SMIM28: variants seen among roughly 807,000 people sequenced by gnomAD.
SMIM28 encodes small integral membrane protein 28.
chr6:138,380,766 C>CTAAATAAATAAATAAATAAA (rs1412474659), intron 1 of SMIM28, among the ~76,000 whole-genome samples: 1,266 of 70,948 alleles, frequency 0.018, 9 homozygotes, highest in Middle Eastern at 0.061. Flanking sequence ...GACCCCGTCT[C>CTAAATAAATAAATAAATAAA]TAAATAAATA....
intron 1 of SMIM28, among the ~76,000 whole-genome samples, chr6:138,380,967 A>G (rs1020768442): frequency 2.0e-5 from 3 of 151,618 alleles, no homozygotes; most frequent in East Asian, 3.9e-4. Context: ...AAGTGGCACA[A>G]TCTCGGCTCA....
Position 138,383,145 on chromosome 6 carries a change from G to C in SMIM28, c.*298G>C. The C allele has an allele frequency of 5.1e-6, 1 of 195,280 alleles. No homozygotes were observed. Among genetic ancestry groups the C allele is most frequent in the Non-Finnish European group, 1.0e-5 (1 of 98,492 alleles). The allele number at this position is 195,280 out of a possible 1,614,324, so 12.1% of individuals were successfully genotyped here. ...TAACACTCCTGAGAAAAAAAGGAAA[G>C]TTCTATGTGAGTTGAAAAAAAAAAA... On this transcript the variant is annotated 3_prime_UTR_variant, in exon 2 of 2. Coordinates refer to ENST00000573100, the MANE Select transcript of SMIM28 (RefSeq NM_001368163.3).
intron 1 of SMIM28, among the ~76,000 whole-genome samples, chr6:138,380,851 A>G (rs1774304476): frequency 6.6e-6 from 1 of 151,862 alleles, no homozygotes; most frequent in Non-Finnish European, 1.5e-5. Flanking sequence ...TGTCCTTTCC[A>G]CCAAAATCAA....
intron 1 of SMIM28, among the ~76,000 whole-genome samples, chr6:138,381,589 A>T (rs925816082): frequency 1.3e-5 from 2 of 152,190 alleles, no homozygotes; most frequent in Non-Finnish European, 2.9e-5. Context: ...AAAAGGTAAA[A>T]TGTTTTCATA....
intron 1 of SMIM28, among the ~76,000 whole-genome samples, chr6:138,381,545 T>C (rs1263641927): frequency 6.6e-6 from 1 of 152,206 alleles, no homozygotes; most frequent in Non-Finnish European, 1.5e-5. Context: ...CCTTTTAGGT[T>C]GCCCAAGAAT....
rs1774337188 is a variant in SMIM28, at chr6:138,383,160, A to G, written c.*313A>G. 8.1e-6 allele frequency: 1 copy of G among 123,242 alleles called. No individual in the cohort carries two copies. Among genetic ancestry groups the G allele is most frequent in the Non-Finnish European group, 1.6e-5 (1 of 62,304 alleles). 7.6% of individuals were successfully genotyped at this position (123,242 alleles called of 1,614,324 possible). ...AAAAAGGAAAGTTCTATGTGAGTTG[A>G]AAAAAAAAAAAACACTTAATTACTA... On this transcript the variant is annotated 3_prime_UTR_variant, in exon 2 of 2. Coordinates refer to ENST00000573100, the MANE Select transcript of SMIM28 (RefSeq NM_001368163.3).
rs1211200433 is a variant in SMIM28, at chr6:138,382,700, C to T, written c.312C>T (p.Pro104=). The change falls in exon 2 of 2, where the codon CCC becomes CCT. Residue 104 remains proline, a synonymous_variant. Coordinates refer to ENST00000573100, the MANE Select transcript of SMIM28 (RefSeq NM_001368163.3). ...PPAGEVTDLL[P]GLAWSSEDFP... is the part of the protein sequence containing the mutation. ...CAGGAGAGGTGACAGACCTCCTGCC[C>T]GGCCTGGCCTGGAGCAGTGAGGACT... 1.3e-5 allele frequency: 5 copies of T among 398,554 alleles called. No individual in the cohort carries two copies. The highest frequency in any genetic ancestry group is 4.4e-5 in the Admixed American group (1 of 22,706). 24.7% of individuals were successfully genotyped at this position (398,554 alleles called of 1,614,324 possible).
chr6:138,380,931 C>T (rs1180933479), intron 1 of SMIM28, among the ~76,000 whole-genome samples: 1 of 150,990 alleles, frequency 6.6e-6, no homozygotes, highest in African/African-American at 2.4e-5. Flanking sequence ...GAGACGGAGT[C>T]TCACTTTGTT....
In SMIM28 at chr6:138,382,694, C is replaced by G; in HGVS notation, c.306C>G (p.Leu102=). 2.5e-6 allele frequency: 1 copy of G among 398,742 alleles called. No homozygotes were observed. Among genetic ancestry groups the G allele is most frequent in the East Asian group, 3.6e-5 (1 of 28,040 alleles). The allele number at this position is 398,742 out of a possible 1,614,324, so 24.7% of individuals were successfully genotyped here. A position where few individuals can be genotyped will look rare whatever the true frequency, so the allele number is the denominator to read the frequency against. ...EHPPAGEVTD[L]LPGLAWSSED... The stretch of plus-strand genomic sequence containing the variant: ...CACCTGCAGGAGAGGTGACAGACCT[C>G]CTGCCCGGCCTGGCCTGGAGCAGTG... Residue 102 remains leucine, a synonymous_variant, in exon 2 of 2, where the codon CTC becomes CTG. Transcript: ENST00000573100.
chr6:138,378,556 G>T (rs778671847), intron 1 of SMIM28, among the ~76,000 whole-genome samples: 3 of 152,168 alleles, frequency 2.0e-5, no homozygotes, highest in South Asian at 4.1e-4. Context: ...GCCTCTCTTT[G>T]GTCCTGGCTG....
intron 1 of SMIM28, 39 bp from the exon 2 acceptor site, chr6:138,382,461 T>G: frequency 2.5e-6 from 1 of 396,972 alleles, no homozygotes; most frequent in Non-Finnish European, 4.4e-6. Flanking sequence ...GAGGCCTTCT[T>G]TCCACATTTC....
At chr6:138,379,360 T>C (rs113377625) in intron 1 of SMIM28, among the ~76,000 whole-genome samples, 1 of 152,220 alleles carries the variant, frequency 6.6e-6, no homozygotes, top group South Asian at 2.1e-4. Flanking sequence ...TTTTTGCAAC[T>C]AGTATTGAGA....
chr6:138,378,090 C>A lies in SMIM28; in HGVS notation c.18C>A (p.Gly6=). MRGLL[G]SSWKKFGHAG... is the part of the protein sequence containing the mutation. Reference sequence around the variant, plus strand: ...ATGAAAACATGCGGGGACTGCTGGGCAGCAGCTGGAAGAAGTTTGGACATG... The same window carrying A: ...ATGAAAACATGCGGGGACTGCTGGGAAGCAGCTGGAAGAAGTTTGGACATG... Residue 6 remains glycine, a synonymous_variant, in exon 1 of 2, where the codon GGC becomes GGA. Transcript: ENST00000573100. 1 of 398,724 alleles carries A rather than the reference C, an allele frequency of 2.5e-6. No individual in the cohort carries two copies. The highest frequency in any genetic ancestry group is 1.3e-4 in the South Asian group (1 of 7,856). The allele number at this position is 398,724 out of a possible 1,614,324, so 24.7% of individuals were successfully genotyped here.
Position 138,382,781 on chromosome 6 carries a change from C to T in SMIM28, c.393C>T (p.Pro131=). Residue 131 remains proline, a synonymous_variant, in exon 2 of 2, where the codon CCC becomes CCT. Coordinates refer to ENST00000573100, the MANE Select transcript of SMIM28 (RefSeq NM_001368163.3). ...EATLPSQCLP[P]SYEEATRNPP... is the part of the protein sequence containing the mutation. ...CTCTCCCCTCCCAGTGTTTACCGCC[C>T]TCCTACGAAGAGGCCACCAGAAATC... 2.5e-6 allele frequency: 1 copy of T among 398,694 alleles called. No homozygotes were observed. Among genetic ancestry groups the T allele is most frequent in the Non-Finnish European group, 4.4e-6 (1 of 226,116 alleles). 24.7% of individuals were successfully genotyped at this position (398,694 alleles called of 1,614,324 possible). A position where few individuals can be genotyped will look rare whatever the true frequency, so the allele number is the denominator to read the frequency against.
At chr6:138,381,137 C>T (rs557506574) in intron 1 of SMIM28, among the ~76,000 whole-genome samples, 10 of 152,182 alleles carry the variant, frequency 6.6e-5, no homozygotes, top group Admixed American at 6.5e-4. Flanking sequence ...AACTCCTGAC[C>T]TCCAGTGATC....
chr6:138,380,969 C>T (rs1774306280), intron 1 of SMIM28, among the ~76,000 whole-genome samples: 1 of 151,506 alleles, frequency 6.6e-6, no homozygotes. Context: ...GTGGCACAAT[C>T]TCGGCTCACT....
intron 1 of SMIM28, among the ~76,000 whole-genome samples, chr6:138,380,351 A>G (rs1054436295): frequency 6.6e-6 from 1 of 152,204 alleles, no homozygotes; most frequent in Admixed American, 6.5e-5. Context: ...ATATCTTACC[A>G]AGGACAAAAT....
chr6:138,383,216 G>GA lies in SMIM28; in HGVS notation c.*377dup, dbSNP rs1167273715. Reference sequence around the variant, plus strand: ...CACAGGAACAGGCTCTGAAGGGCAAGAAAAAAAACTCTGGACCAGCCAAAG... The same window carrying GA: ...CACAGGAACAGGCTCTGAAGGGCAAGAAAAAAAAACTCTGGACCAGCCAAAG... On this transcript the variant is annotated 3_prime_UTR_variant, in exon 2 of 2. Transcript: ENST00000573100. 11 of 156,026 alleles carry GA rather than the reference G, an allele frequency of 7.1e-5. No homozygotes were observed. The highest frequency in any genetic ancestry group is 1.3e-4 in the Admixed American group (2 of 15,272). 9.7% of individuals were successfully genotyped at this position (156,026 alleles called of 1,614,324 possible). A position where few individuals can be genotyped will look rare whatever the true frequency, so the allele number is the denominator to read the frequency against.
chr6:138,378,301 A>G (rs1056241977), intron 1 of SMIM28, 118 bp downstream of exon 1: 18 of 396,040 alleles, frequency 4.5e-5, no homozygotes, highest in Admixed American at 8.8e-5. Context: ...TCTTACAGCT[A>G]TAACAAAAAT....
Sources: allele counts gnomAD v4.1 joint callset (sites outside exome capture counted in the v4.1 genomes callset), GRCh38; gene constraint gnomAD v4.1.1; transcripts MANE v1.5; gene names NCBI Gene and HGNC (gene_info 2026-07-23, HGNC 2026-07-21).